LARGE1: variants seen among roughly 807,000 people sequenced by gnomAD.
LARGE1 encodes LARGE xylosyl- and glucuronyltransferase 1.
In LARGE1, 43 loss-of-function variants were observed where a neutral mutation model predicts 87.6. The ratio of observed to expected loss-of-function variants is 0.49; its 90% CI spans 0.38 to 0.63. The LOEUF (loss-of-function observed/expected upper bound fraction) is 0.63, where lower values mean the gene tolerates loss of function less well. Ranked by LOEUF, LARGE1 falls within the 30% of genes least tolerant of loss-of-function variation. The probability of loss-of-function intolerance (pLI) is 0.00; values close to 1 mark genes in which losing one functional copy is unlikely to be tolerated. For synonymous variants in LARGE1, 434 were observed against 394.6 expected, an observed-to-expected ratio of 1.10 and a Z score of -1.18; for missense variants, 802 against 1,000.2, an observed-to-expected ratio of 0.80 and a Z score of 2.67.
At chr22:33,225,124 G>A (rs1272202209) in intron 11 of LARGE1, among the ~76,000 whole-genome samples, 1 of 152,170 alleles carries the variant, frequency 6.6e-6, no homozygotes. Context: ...AGAAGACACT[G>A]CTTTTCCACA....
intron 3 of LARGE1, among the ~76,000 whole-genome samples, chr22:33,643,067 T>G (rs954093858): frequency 6.6e-6 from 1 of 152,080 alleles, no homozygotes; most frequent in African/African-American, 2.4e-5. Context: ...TCTACGGAAC[T>G]CCCCACCCCA....
chr22:33,367,193 A>G (rs1308564564), intron 9 of LARGE1, among the ~76,000 whole-genome samples: 1 of 151,908 alleles, frequency 6.6e-6, no homozygotes, highest in East Asian at 1.9e-4. Context: ...TCTTTGCTGT[A>G]TATCTAGAAC....
the LARGE1 span, among the ~76,000 whole-genome samples, chr22:33,136,934 T>TCAAAAAA: frequency 4.7e-5 from 7 of 147,810 alleles, no homozygotes; most frequent in African/African-American, 7.5e-5. Context: ...AATATTAAGG[T>TCAAAAAA]AAAAAAAAAA....
intron 7 of LARGE1, among the ~76,000 whole-genome samples, chr22:33,404,484 G>A (rs148401112): frequency 2.0e-5 from 3 of 152,314 alleles, no homozygotes; most frequent in Non-Finnish European, 4.4e-5. Context: ...AAGTGGCTCT[G>A]GCAGCCATAA....
At chr22:33,183,547 A>G (rs1315823478) in intron 11 of LARGE1, among the ~76,000 whole-genome samples, 1 of 151,860 alleles carries the variant, frequency 6.6e-6, no homozygotes, top group Non-Finnish European at 1.5e-5. Context: ...TCATCACAGC[A>G]TTATTCACAA....
At chr22:33,418,530 C>T (rs2066580804) in intron 7 of LARGE1, among the ~76,000 whole-genome samples, 1 of 152,138 alleles carries the variant, frequency 6.6e-6, no homozygotes, top group African/African-American at 2.4e-5. Context: ...ATGGAGACTG[C>T]CGCTTTGAAT....
At chr22:33,225,263 C>A (rs1396868629) in intron 11 of LARGE1, among the ~76,000 whole-genome samples, 1 of 152,166 alleles carries the variant, frequency 6.6e-6, no homozygotes, top group African/African-American at 2.4e-5. Flanking sequence ...GGCCTGGGAG[C>A]AGGACACAAG....
intron 2 of LARGE1, among the ~76,000 whole-genome samples, chr22:33,691,469 T>C (rs934509307): frequency 4.6e-5 from 7 of 152,054 alleles, no homozygotes; most frequent in Non-Finnish European, 1.0e-4. Flanking sequence ...TGGGCTCATT[T>C]CTCACCAGCA....
the LARGE1 span, among the ~76,000 whole-genome samples, chr22:33,086,549 CTTTT>C: frequency 9.2e-6 from 1 of 108,434 alleles, no homozygotes. Flanking sequence ...AGTTCTTCTA[CTTTT>C]TTTTTTTTTT....
At chr22:33,842,909 CAAACAAAACA>C (rs138595293) in intron 1 of LARGE1, among the ~76,000 whole-genome samples, 78,799 of 146,318 alleles carry the variant, frequency 0.54, 22,150 homozygotes, top group East Asian at 0.77. Flanking sequence ...CATTCTAGCA[CAAACAAAACA>C]AAACAAAACA....
chr22:33,302,824 C>T (rs1934350110), intron 12 of LARGE1, among the ~76,000 whole-genome samples: 1 of 152,124 alleles, frequency 6.6e-6, no homozygotes, highest in Admixed American at 6.5e-5. Flanking sequence ...CGTGAGCTCT[C>T]TGGACTTGGA....
At chr22:33,257,018 C>T (rs1927322415) in intron 11 of LARGE1, among the ~76,000 whole-genome samples, 1 of 152,120 alleles carries the variant, frequency 6.6e-6, no homozygotes, top group South Asian at 2.1e-4. Context: ...CCAGCCTAAC[C>T]AACATGGAGA....
chr22:33,167,208 A>T (rs1922321576), intron 11 of LARGE1, among the ~76,000 whole-genome samples: 1 of 152,118 alleles, frequency 6.6e-6, no homozygotes, highest in Non-Finnish European at 1.5e-5. Context: ...AACTGAGGGG[A>T]CCAGGAAAGT....
chr22:33,464,097 T>C (rs372143767), intron 6 of LARGE1, among the ~76,000 whole-genome samples: 4 of 152,284 alleles, frequency 2.6e-5, no homozygotes, highest in African/African-American at 9.6e-5. Context: ...CAATGTAGTA[T>C]TGACTTAGGA....
chr22:33,485,221 T>C (rs2069518757), intron 6 of LARGE1, among the ~76,000 whole-genome samples: 1 of 147,866 alleles, frequency 6.8e-6, no homozygotes, highest in African/African-American at 2.5e-5. Flanking sequence ...TCTGAGTCTT[T>C]TTTTTTTTTT....
the LARGE1 span, among the ~76,000 whole-genome samples, chr22:33,139,292 G>T: frequency 2.0e-5 from 3 of 152,212 alleles, no homozygotes; most frequent in South Asian, 2.1e-4. Flanking sequence ...CCATGTGCTT[G>T]TTGGCCATTT....
chr22:33,100,922 C>G, the LARGE1 span, among the ~76,000 whole-genome samples: 1 of 151,992 alleles, frequency 6.6e-6, no homozygotes, highest in South Asian at 2.1e-4. Flanking sequence ...TCACTGCCAC[C>G]TGGGAGGCAG....
chr22:33,869,537 A>G (rs185764976), intron 1 of LARGE1, among the ~76,000 whole-genome samples: 281 of 152,310 alleles, frequency 1.8e-3, no homozygotes, highest in Admixed American at 6.9e-3. Context: ...GGGTCTGTGC[A>G]GTGGTTTGCA....
chr22:33,418,249 A>G (rs2066571654), intron 7 of LARGE1, among the ~76,000 whole-genome samples: 1 of 152,176 alleles, frequency 6.6e-6, no homozygotes, highest in Non-Finnish European at 1.5e-5. Flanking sequence ...AGCCGGCCAG[A>G]AATTCTCTGC....
Sources: gnomAD v4.1 joint callset for allele counts (sites outside exome capture counted in the v4.1 genomes callset) on GRCh38, gnomAD v4.1.1 for gene constraint, MANE v1.5 for transcripts, NCBI Gene and HGNC (gene_info 2026-07-23, HGNC 2026-07-21) for gene names.